GLIS1: variants seen among roughly 807,000 people sequenced by gnomAD.
GLIS1 encodes zinc finger protein GLIS1.
GLIS1 carries 24 observed loss-of-function variants against 63.8 expected under a neutral mutation model. That is an observed-to-expected ratio of 0.38 (90% CI 0.27 to 0.53). The LOEUF (loss-of-function observed/expected upper bound fraction) is 0.53. Ranked by LOEUF, GLIS1 falls within the 20% of genes least tolerant of loss-of-function variation. The probability of loss-of-function intolerance (pLI) is 0.85; values close to 1 mark genes in which losing one functional copy is unlikely to be tolerated. For synonymous variants in GLIS1, 450 were observed against 482.5 expected, an observed-to-expected ratio of 0.93 and a Z score of 0.88; for missense variants, 1,036 against 1,074.1, an observed-to-expected ratio of 0.96 and a Z score of 0.50.
rs565664025 is a variant in GLIS1 at position 53,668,032 on chromosome 1, C to G, written c.260-67754G>C. Reference sequence around the variant, plus strand: ...TGGCCTCATCTCGTTCCATTCTGCTCTCTGCCCTCAACAAACCTGCCTGCC... The same window carrying G: ...TGGCCTCATCTCGTTCCATTCTGCTGTCTGCCCTCAACAAACCTGCCTGCC... On this transcript the variant is annotated intron_variant, in intron 2 of 10. Transcript: ENST00000628545. 2.0e-5 allele frequency among the ~76,000 whole-genome samples: 3 copies of G among 152,330 alleles called. No homozygotes were observed. The East Asian group carries it at 5.8e-4, about 29-fold the overall frequency.
At position 53,594,797 on chromosome 1, in the gene GLIS1, G is replaced by T. The variant is rs1410537589; in HGVS notation, c.631C>A (p.Pro211Thr). The change falls in exon 4 of 11, where the codon CCT becomes ACT. Residue 211 changes from proline (P) to threonine (T), a missense_variant. Transcript: ENST00000628545. Reference sequence around the variant, plus strand: ...TCGCTGCCCAGAAGGTAGCAGGAAGGCGCAGGGGTGGCGAGGCTTCGGCCC... The same window carrying T: ...TCGCTGCCCAGAAGGTAGCAGGAAGTCGCAGGGGTGGCGAGGCTTCGGCCC... The part of the protein sequence containing the change: ...LPGRSLATPA[P>T]SCYLLGSEPS... 6 of 1,607,160 alleles carry T rather than the reference G, an allele frequency of 3.7e-6. No homozygotes were observed. The highest frequency in any genetic ancestry group is 5.1e-6 in the Non-Finnish European group (6 of 1,177,248).
chr1:53,573,733 C>G (rs570820416), intron 4 of GLIS1, among the ~76,000 whole-genome samples: 16 of 152,330 alleles, frequency 1.1e-4, no homozygotes, highest in Admixed American at 9.1e-4. Context: ...CCCTCAGACA[C>G]AGGAATGTCA....
chr1:53,581,925 T>G (rs1440108176), intron 4 of GLIS1, among the ~76,000 whole-genome samples: 1 of 152,180 alleles, frequency 6.6e-6, no homozygotes. Flanking sequence ...TCTGAATGTC[T>G]GAGCTCACAG....
At chr1:53,676,632 C>A (rs989004649) in intron 2 of GLIS1, among the ~76,000 whole-genome samples, 1 of 152,200 alleles carries the variant, frequency 6.6e-6, no homozygotes, top group African/African-American at 2.4e-5. Flanking sequence ...AGCCCTGCCA[C>A]AGACATGTTC....
At chr1:53,565,544 A>C (rs1354824972) in intron 4 of GLIS1, among the ~76,000 whole-genome samples, 1 of 152,076 alleles carries the variant, frequency 6.6e-6, no homozygotes, top group Non-Finnish European at 1.5e-5. Context: ...CGAGAAACAT[A>C]ACTACAGATC....
At chr1:53,673,010 G>A (rs901361335) in intron 2 of GLIS1, among the ~76,000 whole-genome samples, 1 of 152,200 alleles carries the variant, frequency 6.6e-6, no homozygotes, top group Non-Finnish European at 1.5e-5. Flanking sequence ...GGTCGCTCCA[G>A]TGTCGGGTAC....
intron 2 of GLIS1, among the ~76,000 whole-genome samples, chr1:53,682,140 C>A (rs1026842119): frequency 1.3e-5 from 2 of 152,236 alleles, no homozygotes; most frequent in Non-Finnish European, 2.9e-5. Context: ...CAGCCCTGCA[C>A]AGATGCTTCC....
At chr1:53,617,401 A>G (rs1569927130) in intron 2 of GLIS1, among the ~76,000 whole-genome samples, 1 of 152,254 alleles carries the variant, frequency 6.6e-6, no homozygotes. Context: ...GTACTTTCTC[A>G]TGGTTTTAAG....
chr1:53,667,876 C>T (rs113143042), intron 2 of GLIS1, among the ~76,000 whole-genome samples: 4 of 152,308 alleles, frequency 2.6e-5, no homozygotes, highest in African/African-American at 9.6e-5. Context: ...ATTGGCAACA[C>T]CTGAATTTTG....
At chr1:53,521,568 T>A (rs1294674338) in intron 6 of GLIS1, among the ~76,000 whole-genome samples, 2 of 151,654 alleles carry the variant, frequency 1.3e-5, no homozygotes, top group African/African-American at 4.8e-5. Context: ...TGACACAGAG[T>A]GACGATGGCT....
At chr1:53,555,392 C>T (rs1363452981) in intron 4 of GLIS1, among the ~76,000 whole-genome samples, 2 of 152,108 alleles carry the variant, frequency 1.3e-5, no homozygotes, top group African/African-American at 2.4e-5. Flanking sequence ...TAGCTGGGCG[C>T]GGTGGTGGGC....
Position 53,737,846 on chromosome 1 carries a change from G to A in GLIS1, c.219C>T (p.Pro73=). 2 of 1,231,142 alleles carry A rather than the reference G, an allele frequency of 1.6e-6. No homozygotes were observed. The highest frequency in any genetic ancestry group is 2.0e-6 in the Non-Finnish European group (2 of 987,536). The allele number at this position is 1,231,142 out of a possible 1,614,324, so 76.3% of individuals were successfully genotyped here. The change falls in exon 2 of 11, where the codon CCC becomes CCT. Residue 73 remains proline, a synonymous_variant. Transcript: ENST00000628545. ...CGGCCTTGGATGGACCGTAGTCTCG[G>A]GGACTGCGGGGCCGGAGGAGGTCGT... ...RAHDLLRPRS[P]RDYGPSKAAA...
chr1:53,692,100 T>G (rs1368845111), intron 2 of GLIS1, among the ~76,000 whole-genome samples: 1 of 152,142 alleles, frequency 6.6e-6, no homozygotes, highest in Non-Finnish European at 1.5e-5. Context: ...ACTGCCTCCC[T>G]TTTTCCTAAC....
intron 2 of GLIS1, among the ~76,000 whole-genome samples, chr1:53,725,508 G>A (rs1339138858): frequency 6.6e-6 from 1 of 152,214 alleles, no homozygotes; most frequent in Non-Finnish European, 1.5e-5. Flanking sequence ...GTCTGCCTAG[G>A]ACAGACAGCA....
chr1:53,543,105 G>C (rs1292703213), intron 4 of GLIS1, among the ~76,000 whole-genome samples: 1 of 152,338 alleles, frequency 6.6e-6, no homozygotes, highest in African/African-American at 2.4e-5. Context: ...CCCAGCATGT[G>C]GGGGCTCAGG....
intron 5 of GLIS1, among the ~76,000 whole-genome samples, chr1:53,529,468 G>T (rs2100330204): frequency 6.6e-6 from 1 of 152,338 alleles, no homozygotes; most frequent in South Asian, 2.1e-4. Flanking sequence ...CTGGTGCCCA[G>T]GCTGGTACCC....
chr1:53,732,572 G>A (rs1033543048), intron 2 of GLIS1, among the ~76,000 whole-genome samples: 2 of 151,894 alleles, frequency 1.3e-5, no homozygotes, highest in African/African-American at 4.8e-5. Flanking sequence ...GTGAAGGCGA[G>A]CAGCACAAAT....
intron 7 of GLIS1, among the ~76,000 whole-genome samples, chr1:53,516,877 CCAAA>C (rs1344137726): frequency 1.3e-5 from 2 of 151,964 alleles, no homozygotes; most frequent in African/African-American, 4.8e-5. Context: ...GCCTATGAGG[CCAAA>C]CAGTTTGCAA....
intron 4 of GLIS1, among the ~76,000 whole-genome samples, chr1:53,588,990 A>G (rs947694103): frequency 6.6e-6 from 1 of 152,196 alleles, no homozygotes; most frequent in South Asian, 2.1e-4. Context: ...CAGAACCCCA[A>G]TCAAATCTCT....
Sources: gnomAD v4.1 joint callset for allele counts (sites outside exome capture counted in the v4.1 genomes callset) on GRCh38, gnomAD v4.1.1 for gene constraint, MANE v1.5 for transcripts, NCBI Gene and HGNC (gene_info 2026-07-23, HGNC 2026-07-21) for gene names.